Variants in ITGAX observed in about 807,000 individuals in gnomAD.
ITGAX encodes integrin alpha-X.
ITGAX carries 99 observed loss-of-function variants against 140.2 expected under a neutral mutation model. The ratio of observed to expected loss-of-function variants is 0.71; its 90% CI spans 0.60 to 0.83. The LOEUF (loss-of-function observed/expected upper bound fraction) is 0.83. Among genes scored for constraint, ITGAX ranks in the 40% least tolerant of loss-of-function variants. The pLI, the probability that ITGAX is intolerant of heterozygous loss-of-function variation, is 0.00. For synonymous variants in ITGAX, 631 were observed against 600.4 expected (o/e 1.05, Z -0.75); for missense variants, 1,444 against 1,482.0 (o/e 0.97, Z 0.42).
intron 11 of ITGAX, 62 bp downstream of exon 11, chr16:31,362,266 G>A (rs116039611): frequency 2.0e-6 from 3 of 1,482,964 alleles, no homozygotes; most frequent in East Asian, 2.9e-5. Flanking sequence ...GGGGTCCAGG[G>A]TTCTGGGGAA....
chr16:31,375,684 A>G (rs777350341), intron 20 of ITGAX, among the ~76,000 whole-genome samples: 2 of 152,244 alleles, frequency 1.3e-5, no homozygotes, highest in Non-Finnish European at 2.9e-5. Context: ...GAAAATTCGA[A>G]CTAGGTCCAT....
chr16:31,364,238 C>T (rs544065353), intron 14 of ITGAX, among the ~76,000 whole-genome samples: 1 of 151,712 alleles, frequency 6.6e-6, no homozygotes, highest in African/African-American at 2.4e-5. Flanking sequence ...GTCTGGGCAA[C>T]ATAGGGAGAC....
intron 5 of ITGAX, among the ~76,000 whole-genome samples, chr16:31,358,702 G>T (rs2080788383): frequency 6.6e-6 from 1 of 151,616 alleles, no homozygotes; most frequent in Non-Finnish European, 1.5e-5. Flanking sequence ...GCTGGATGGG[G>T]TGACATTGAG....
At chr16:31,356,567 T>G in intron 2 of ITGAX, 58 bp from the exon 3 acceptor site, 1 of 1,207,748 alleles carries the variant, frequency 8.3e-7, no homozygotes, top group African/African-American at 1.5e-5. Context: ...CTTGCCGGAG[T>G]GGCAGCTGTG....
At chr16:31,371,053 A>C (rs781663422) in intron 14 of ITGAX, 31 bp from the exon 15 acceptor site, 1 of 1,612,858 alleles carries the variant, frequency 6.2e-7, no homozygotes, top group Non-Finnish European at 8.5e-7. Flanking sequence ...CCTACTTTCC[A>C]TCTTGATTCA....
intron 2 of ITGAX, 46 bp downstream of exon 2, chr16:31,356,044 C>A: frequency 7.2e-7 from 1 of 1,385,584 alleles, no homozygotes; most frequent in South Asian, 1.2e-5. Flanking sequence ...CATCCTCTCC[C>A]TGCTCAGGGC....
At chr16:31,358,544 G>A (rs1018849671) in intron 5 of ITGAX, 6 of 152,104 alleles carry the variant, frequency 3.9e-5, no homozygotes, top group African/African-American at 1.5e-4. Flanking sequence ...GGAGGCTGTA[G>A]GGAGCTTTGA....
intron 5 of ITGAX, chr16:31,358,336 A>AT (rs2080784971): frequency 1.3e-5 from 2 of 152,228 alleles, no homozygotes; most frequent in East Asian, 3.8e-4. Context: ...GCCTGGGATG[A>AT]TTTGTTTAAA....
rs2081076289 is a variant in ITGAX, at chr16:31,382,252, T to G, written c.*345T>G. Reference sequence around the variant, plus strand: ...TCTTTTTTTTTTTTTTTCTTTTCTTTTTTTTTTTTTTGAGACGGAGTCTCG... The same window carrying G: ...TCTTTTTTTTTTTTTTTCTTTTCTTGTTTTTTTTTTTGAGACGGAGTCTCG... On this transcript the variant is annotated 3_prime_UTR_variant, in exon 30 of 30. Transcript: ENST00000268296. 1 of 972,596 alleles carries G rather than the reference T, an allele frequency of 1.0e-6. No homozygotes were observed. Among genetic ancestry groups the G allele is most frequent in the Non-Finnish European group, 1.3e-6 (1 of 780,406 alleles). The allele number at this position is 972,596 out of a possible 1,614,324, so 60.2% of individuals were successfully genotyped here.
In ITGAX at chr16:31,382,772, C is replaced by T; in HGVS notation, c.*865C>T. Reference sequence around the variant, plus strand: ...GAGCGCCCTCTAGGGAGGGACATGGCCCCGGTGCGGCTGCAGCTCACCCAG... The same window carrying T: ...GAGCGCCCTCTAGGGAGGGACATGGTCCCGGTGCGGCTGCAGCTCACCCAG... On this transcript the variant is annotated 3_prime_UTR_variant, in exon 30 of 30. Transcript: ENST00000268296. The T allele has an allele frequency of 4.2e-6, 2 of 474,128 alleles. No individual in the cohort carries two copies. Among genetic ancestry groups the T allele is most frequent in the Non-Finnish European group, 3.8e-6 (1 of 264,344 alleles). The allele number at this position is 474,128 out of a possible 1,614,324, so 29.4% of individuals were successfully genotyped here.
Position 31,360,410 on chromosome 16 carries a change from A to C in ITGAX, c.808A>C (p.Lys270Gln). The change falls in exon 8 of 30, where the codon AAG (lysine) becomes CAG (glutamine). Residue 270 changes from lysine to glutamine, a missense_variant. By Grantham distance (53) the Lys-to-Gln change is moderately conservative. Coordinates refer to ENST00000268296, the MANE Select transcript of ITGAX (RefSeq NM_000887.5). The stretch of plus-strand genomic sequence containing the variant: ...GAAAGAAGGCGACAGCCTGGATTAT[A>C]AGGATGTCATCCCCATGGCTGATGC... Reference protein sequence around the residue: ...GKKEGDSLDYKDVIPMADAAG... With the variant: ...GKKEGDSLDYQDVIPMADAAG... The C allele has an allele frequency of 6.2e-7, 1 of 1,613,932 alleles. No homozygotes were observed. The highest frequency in any genetic ancestry group is 8.5e-7 in the Non-Finnish European group (1 of 1,179,916).
chr16:31,380,462 C>T (rs2081058342), intron 27 of ITGAX, 61 bp from the exon 28 acceptor site: 6 of 1,611,646 alleles, frequency 3.7e-6, no homozygotes, highest in Non-Finnish European at 5.1e-6. Context: ...GCCAGGGCAC[C>T]CCCAGAGCTC....
intron 23 of ITGAX, among the ~76,000 whole-genome samples, chr16:31,378,172 G>A (rs2081037051): frequency 6.6e-6 from 1 of 152,182 alleles, no homozygotes; most frequent in African/African-American, 2.4e-5. Flanking sequence ...CCCAGGCCCG[G>A]AAAAGCCAAG....
chr16:31,375,268 G>T (rs568124897), intron 20 of ITGAX, among the ~76,000 whole-genome samples: 1 of 152,280 alleles, frequency 6.6e-6, no homozygotes, highest in Non-Finnish European at 1.5e-5. Flanking sequence ...CACCCGATTC[G>T]GCCTCCCAAA....
intron 8 of ITGAX, chr16:31,360,685 A>G (rs1408284225): frequency 1.8e-6 from 1 of 547,372 alleles, no homozygotes; most frequent in Non-Finnish European, 3.2e-6. Context: ...AAGCCTGGCT[A>G]TTTTCTTTTT....
chr16:31,372,504 G>A lies in ITGAX; in HGVS notation c.2287G>A (p.Ala763Thr). The change falls in exon 18 of 30, where the codon GCC becomes ACC. Residue 763 changes from alanine to threonine, a missense_variant. Transcript: ENST00000268296. ...LAADAQRYFT[A>T]SLPFEKNCGA... ...CGCCGATGCTCAGAGATACTTCACG[G>A]CCTCCGTGAGTCCTGGCACTGGGTC... 6.2e-7 allele frequency: 1 copy of A among 1,609,754 alleles called. No individual in the cohort carries two copies. The highest frequency in any genetic ancestry group is 1.7e-5 in the Admixed American group (1 of 57,998).
rs2081050884 is a variant in ITGAX at position 31,379,743 on chromosome 16, T to C, written c.2869-14T>C. The C allele has an allele frequency of 6.2e-7, 1 of 1,609,980 alleles. No homozygotes were observed. Among genetic ancestry groups the C allele is most frequent in the East Asian group, 2.2e-5 (1 of 44,760 alleles). ...GCTTTGGCGTGGGCTCTGCCCTCAG[T>C]GCCCTCTGTGCAGGTCAATAACCTG... On this transcript the variant is annotated splice_polypyrimidine_tract_variant and intron_variant, in intron 24 of 29. Coordinates refer to ENST00000268296, the MANE Select transcript of ITGAX (RefSeq NM_000887.5).
At chr16:31,373,104 G>A (rs200654687) in intron 19 of ITGAX, 145 bp from the exon 20 acceptor site, 12 of 82,434 alleles carry the variant, frequency 1.5e-4, no homozygotes, top group South Asian at 2.3e-4. Context: ...TAAAAAAAAA[G>A]AAGAAGAAGA....
In ITGAX at chr16:31,362,526, G is replaced by A. The variant is rs1433246593; in HGVS notation, c.1217-85G>A. 7.0e-5 allele frequency: 102 copies of A among 1,459,530 alleles called. 1 individual carries two copies. In the Middle Eastern group the frequency reaches 2.0e-3, roughly 29 times the overall value. 90.4% of individuals were successfully genotyped at this position (1,459,530 alleles called of 1,614,324 possible). ...GGGGTCCAGGGTTCTGGGGAGGGGA[G>A]ATGGTGCTGTGCTGCCCGGGGTGGG... On this transcript the variant is annotated intron_variant, in intron 11 of 29. Coordinates refer to ENST00000268296, the MANE Select transcript of ITGAX (RefSeq NM_000887.5).
Sources: allele counts gnomAD v4.1 joint callset (sites outside exome capture counted in the v4.1 genomes callset), GRCh38; gene constraint gnomAD v4.1.1; transcripts MANE v1.5; gene names NCBI Gene and HGNC (gene_info 2026-07-23, HGNC 2026-07-21).